The following ZNF33A variants were observed in gnomAD, a reference collection of about 807,000 sequenced individuals.
The protein encoded by ZNF33A is brain my041 protein.
ZNF33A carries 9 observed loss-of-function variants against 15.9 expected under a neutral mutation model. The ratio of observed to expected loss-of-function variants is 0.57; its 90% CI spans 0.34 to 0.99. ZNF33A has a LOEUF of 0.99. Among genes scored for constraint, ZNF33A ranks in the 50% least tolerant of loss-of-function variants. The pLI is 0.02. For missense variants in ZNF33A, 843 were observed against 941.6 expected (o/e 0.90, Z 1.37); for synonymous variants, 294 against 324.2 (o/e 0.91, Z 1.00).
chr10:38,057,869 T>C lies in ZNF33A; in HGVS notation c.*1309T>C. On this transcript the variant is annotated 3_prime_UTR_variant, in exon 5 of 5. Transcript: ENST00000432900. ...AGGGCTGCCCAGGGCTGTTGGACTG[T>C]CATTTCAAGGCTCATTGTCCCCAGA... 1 of 985,438 alleles carries C rather than the reference T, an allele frequency of 1.0e-6. No individual in the cohort carries two copies. Among genetic ancestry groups the C allele is most frequent in the Non-Finnish European group, 1.2e-6 (1 of 829,940 alleles). 61.0% of individuals were successfully genotyped at this position (985,438 alleles called of 1,614,324 possible).
rs1403308840 is a variant in ZNF33A at position 38,059,637 on chromosome 10, TTA to T, written c.*3081_*3082del. On this transcript the variant is annotated 3_prime_UTR_variant, in exon 5 of 5. Coordinates refer to ENST00000432900, the MANE Select transcript of ZNF33A (RefSeq NM_006954.2). ...GGCTTTCTATTTTGTATGATTGCAA[TTA>T]TATGACATTTTGGGAGAGGCAAAAC... 1.3e-5 allele frequency: 2 copies of T among 152,176 alleles called. No individual in the cohort carries two copies. Among genetic ancestry groups the T allele is most frequent in the Non-Finnish European group, 1.5e-5 (1 of 68,028 alleles). The allele number at this position is 152,176 out of a possible 1,614,324, so 9.4% of individuals were successfully genotyped here.
At chr10:38,041,064 T>A (rs966599075) in intron 4 of ZNF33A, among the ~76,000 whole-genome samples, 1 of 152,212 alleles carries the variant, frequency 6.6e-6, no homozygotes, top group African/African-American at 2.4e-5. Flanking sequence ...GGTCTCCTGC[T>A]TTTTTGGTAC....
At chr10:38,033,715 T>G (rs1486819206) in intron 4 of ZNF33A, among the ~76,000 whole-genome samples, 3 of 152,084 alleles carry the variant, frequency 2.0e-5, no homozygotes, top group Non-Finnish European at 4.4e-5. Flanking sequence ...GAACATCTTT[T>G]TTTTTTTTTC....
chr10:38,010,811 A>G, intron 1 of ZNF33A, 28 bp downstream of exon 1: 9 of 1,597,060 alleles, frequency 5.6e-6, no homozygotes, highest in Non-Finnish European at 6.8e-6. Flanking sequence ...GGGCAGGGAG[A>G]GAGAGGGAGC....
chr10:38,016,148 A>C (rs549544251), intron 2 of ZNF33A: 3 of 545,126 alleles, frequency 5.5e-6, no homozygotes, highest in Non-Finnish European at 8.3e-6. Flanking sequence ...GCGATGAAGA[A>C]AATGTCAGGC....
intron 4 of ZNF33A, among the ~76,000 whole-genome samples, chr10:38,037,803 T>A (rs2065517756): frequency 6.6e-6 from 1 of 152,218 alleles, no homozygotes; most frequent in African/African-American, 2.4e-5. Flanking sequence ...TTGAGAAGTG[T>A]ATGTCTTCTA....
rs1207296515 is a variant in ZNF33A at position 38,010,685 on chromosome 10, T to C, written c.-143T>C. 16 of 1,594,836 alleles carry C rather than the reference T, an allele frequency of 1.0e-5. No individual in the cohort carries two copies. Among genetic ancestry groups the C allele is most frequent in the Non-Finnish European group, 1.3e-5 (15 of 1,176,768 alleles). ...GCCGGCTACGTCTGCGTTTCCGCCTTTCCTTTTGTTTTTCTCAGGTTTTGC... is the reference window on the plus strand; with the variant it reads ...GCCGGCTACGTCTGCGTTTCCGCCTCTCCTTTTGTTTTTCTCAGGTTTTGC... On this transcript the variant is annotated 5_prime_UTR_variant, in exon 1 of 5. Transcript: ENST00000432900.
In ZNF33A at chr10:38,041,231, C is replaced by A. The variant is rs534527508; in HGVS notation, c.251-13144C>A. On this transcript the variant is annotated intron_variant, in intron 4 of 4. Coordinates refer to ENST00000432900, the MANE Select transcript of ZNF33A (RefSeq NM_006954.2). Reference sequence around the variant, plus strand: ...TAGTGTGGCCATCAGCAGAATAGCACCCATCAAGTAATTTCTTATCCTTCA... The same window carrying A: ...TAGTGTGGCCATCAGCAGAATAGCAACCATCAAGTAATTTCTTATCCTTCA... Among the ~76,000 whole-genome samples, 20 of 152,196 alleles carry A rather than the reference C, an allele frequency of 1.3e-4. No homozygotes were observed. In the South Asian group the frequency reaches 4.2e-3, roughly 32 times the overall value.
At chr10:38,013,787 C>T (rs546694886) in intron 2 of ZNF33A, among the ~76,000 whole-genome samples, 9 of 151,936 alleles carry the variant, frequency 5.9e-5, no homozygotes, top group Non-Finnish European at 1.2e-4. Flanking sequence ...AGATACACAA[C>T]CCCCTAAATT....
intron 4 of ZNF33A, among the ~76,000 whole-genome samples, chr10:38,029,399 T>G (rs2065119396): frequency 6.6e-6 from 1 of 152,230 alleles, no homozygotes; most frequent in Admixed American, 6.5e-5. Flanking sequence ...TCAATTGATT[T>G]CTAAGGAGAT....
chr10:38,054,245 C>T, intron 4 of ZNF33A, 130 bp from the exon 5 acceptor site: 2 of 952,540 alleles, frequency 2.1e-6, no homozygotes, highest in Non-Finnish European at 2.9e-6. Context: ...TATGCACTTG[C>T]AATTATGTTC....
Position 38,055,730 on chromosome 10 carries a change from T to A in ZNF33A, c.1606T>A (p.Leu536Met), listed in dbSNP as rs1487558182. The A allele has an allele frequency of 1.4e-5, 22 of 1,611,218 alleles. No homozygotes were observed. The highest frequency in any genetic ancestry group is 1.8e-5 in the Non-Finnish European group (21 of 1,179,302). ...ECYECGKTFC[L>M]KSDLTVHQRT... is the part of the protein sequence containing the mutation. ...TTATGAATGTGGGAAAACCTTCTGC[T>A]TGAAGTCAGACCTCACAGTACATCA... The change falls in exon 5 of 5, where the codon TTG becomes ATG. Residue 536 changes from leucine to methionine, a missense_variant. Physicochemically the swap from Leu to Met is conservative, Grantham distance 15 (BLOSUM62 2). Coordinates refer to ENST00000432900, the MANE Select transcript of ZNF33A (RefSeq NM_006954.2).
chr10:38,010,881 CG>C, intron 1 of ZNF33A, 98 bp downstream of exon 1: 3 of 1,463,504 alleles, frequency 2.0e-6, no homozygotes, highest in Non-Finnish European at 2.8e-6. Context: ...GGAGGAGGCC[CG>C]GGGACCTCAT....
intron 4 of ZNF33A, among the ~76,000 whole-genome samples, chr10:38,019,574 A>AG (rs2064643024): frequency 6.6e-6 from 1 of 152,216 alleles, no homozygotes; most frequent in Admixed American, 6.5e-5. Flanking sequence ...GCAGGAAGGA[A>AG]GTAGTATGTT....
intron 4 of ZNF33A, among the ~76,000 whole-genome samples, chr10:38,047,077 G>A (rs2135722699): frequency 6.6e-6 from 1 of 151,154 alleles, no homozygotes; most frequent in African/African-American, 2.4e-5. Flanking sequence ...CTACTTGGGA[G>A]GCTGAGGTGG....
At chr10:38,017,488 C>G (rs1413014941) in intron 4 of ZNF33A, 102 bp downstream of exon 4, 1 of 806,174 alleles carries the variant, frequency 1.2e-6, no homozygotes, top group Admixed American at 2.1e-5. Context: ...AAGAACATCT[C>G]CATAGGGATC....
At chr10:38,035,312 T>C (rs1016810896) in intron 4 of ZNF33A, among the ~76,000 whole-genome samples, 2 of 151,862 alleles carry the variant, frequency 1.3e-5, no homozygotes, top group Admixed American at 6.6e-5. Flanking sequence ...GAGATGGGGT[T>C]TTGCCATGTT....
intron 4 of ZNF33A, among the ~76,000 whole-genome samples, chr10:38,044,617 G>C (rs1335279467): frequency 6.6e-6 from 1 of 152,042 alleles, no homozygotes; most frequent in Non-Finnish European, 1.5e-5. Flanking sequence ...TTTTCTGTTT[G>C]ATGAGGCATC....
At chr10:38,054,285 A>G (rs1290826792) in intron 4 of ZNF33A, 90 bp from the exon 5 acceptor site, 1 of 1,344,298 alleles carries the variant, frequency 7.4e-7, no homozygotes, top group African/African-American at 1.5e-5. Context: ...AAAACCAGTC[A>G]GCTGCAACAT....
Sources: allele counts gnomAD v4.1 joint callset (sites outside exome capture counted in the v4.1 genomes callset), GRCh38; gene constraint gnomAD v4.1.1; transcripts MANE v1.5; gene names NCBI Gene and HGNC (gene_info 2026-07-23, HGNC 2026-07-21).